The following ASCC3 variants were observed in gnomAD, a reference collection of about 807,000 sequenced individuals.
ASCC3 encodes activating signal cointegrator 1 complex subunit 3.
ASCC3 carries 158 observed loss-of-function variants against 256.3 expected under a neutral mutation model. The ratio of observed to expected loss-of-function variants is 0.62; its 90% CI spans 0.54 to 0.70. The LOEUF is 0.70. Among genes scored for constraint, ASCC3 ranks in the 30% least tolerant of loss-of-function variants. The pLI is 0.00. For missense variants in ASCC3, 2,259 were observed against 2,626.0 expected (o/e 0.86, Z 3.05); for synonymous variants, 948 against 883.4 (o/e 1.07, Z -1.30).
chr6:100,533,244 G>A (rs1359810265), intron 37 of ASCC3, among the ~76,000 whole-genome samples: 7 of 151,938 alleles, frequency 4.6e-5, no homozygotes, highest in African/African-American at 1.7e-4. Flanking sequence ...TTTGTCATAA[G>A]GTTGGTACTA....
At chr6:100,666,060 C>T (rs1008760159) in intron 14 of ASCC3, among the ~76,000 whole-genome samples, 3 of 152,118 alleles carry the variant, frequency 2.0e-5, no homozygotes, top group Non-Finnish European at 4.4e-5. Flanking sequence ...TAAATTGAGT[C>T]AGAAAGCTTA....
chr6:100,782,955 G>C (rs943291081), intron 8 of ASCC3, among the ~76,000 whole-genome samples: 4 of 151,682 alleles, frequency 2.6e-5, no homozygotes, highest in African/African-American at 4.8e-5. Context: ...CAAATAAAAG[G>C]CTTCTCAGTA....
intron 36 of ASCC3, among the ~76,000 whole-genome samples, chr6:100,542,514 C>A (rs773369915): frequency 6.6e-6 from 1 of 152,028 alleles, no homozygotes; most frequent in Non-Finnish European, 1.5e-5. Flanking sequence ...AACCTCATCT[C>A]TACTAAAAAT....
intron 37 of ASCC3, among the ~76,000 whole-genome samples, chr6:100,522,889 CT>C (rs1462300110): frequency 6.7e-6 from 1 of 150,164 alleles, no homozygotes; most frequent in African/African-American, 2.5e-5. Context: ...CTTCAAAGGG[CT>C]TGCTTTAACC....
In ASCC3 at chr6:100,864,040, AAAAAG is replaced by A; in HGVS notation, c.241+19_241+23del. On this transcript the variant is annotated intron_variant, in intron 3 of 41. Transcript: ENST00000369162. The stretch of plus-strand genomic sequence containing the variant: ...ACCTTACTGGTTCTCTTTAAAAAAA[AAAAAG>A]AAAAAAAGAAAACTATACCTATCTG... The A allele has an allele frequency of 6.6e-7, 1 of 1,505,650 alleles. No homozygotes were observed. The highest frequency in any genetic ancestry group is 8.9e-7 in the Non-Finnish European group (1 of 1,118,674). The allele number at this position is 1,505,650 out of a possible 1,614,324, so 93.3% of individuals were successfully genotyped here. A position where few individuals can be genotyped will look rare whatever the true frequency, so the allele number is the denominator to read the frequency against.
intron 16 of ASCC3, among the ~76,000 whole-genome samples, chr6:100,661,302 A>AT (rs1776180784): frequency 6.8e-6 from 1 of 147,208 alleles, no homozygotes; most frequent in South Asian, 2.2e-4. Context: ...AGGGTCTGCT[A>AT]TGTAAATCTT....
chr6:100,872,723 G>A (rs537789350), intron 1 of ASCC3, among the ~76,000 whole-genome samples: 1 of 152,278 alleles, frequency 6.6e-6, no homozygotes, highest in South Asian at 2.1e-4. Flanking sequence ...TCTCTGTGTA[G>A]ACAACCCCCA....
At chr6:100,701,462 T>C (rs557787997) in intron 13 of ASCC3, among the ~76,000 whole-genome samples, 1 of 152,250 alleles carries the variant, frequency 6.6e-6, no homozygotes, top group African/African-American at 2.4e-5. Flanking sequence ...TCTAAGTGCA[T>C]AAAACCTCTT....
chr6:100,717,177 ACTGTT>A (rs1779125116), intron 12 of ASCC3, among the ~76,000 whole-genome samples: 1 of 151,954 alleles, frequency 6.6e-6, no homozygotes, highest in African/African-American at 2.4e-5. Context: ...CAGGACATTA[ACTGTT>A]GTATTATGGT....
At chr6:100,557,080 C>T (rs1359519063) in intron 36 of ASCC3, among the ~76,000 whole-genome samples, 6 of 152,098 alleles carry the variant, frequency 3.9e-5, no homozygotes, top group Admixed American at 1.3e-4. Context: ...AGAGGAACAG[C>T]GACATGGGAA....
chr6:100,596,540 A>G (rs1772308931), intron 34 of ASCC3, among the ~76,000 whole-genome samples: 1 of 152,136 alleles, frequency 6.6e-6, no homozygotes, highest in Non-Finnish European at 1.5e-5. Flanking sequence ...TTTGTTACCA[A>G]TATGATACAC....
chr6:100,626,426 C>T (rs1238518837), intron 29 of ASCC3, among the ~76,000 whole-genome samples: 1 of 151,980 alleles, frequency 6.6e-6, no homozygotes, highest in African/African-American at 2.4e-5. Context: ...ATCACACAAT[C>T]ATATTTCTAA....
chr6:100,531,338 G>T (rs1457717429), intron 37 of ASCC3, among the ~76,000 whole-genome samples: 1 of 152,042 alleles, frequency 6.6e-6, no homozygotes, highest in Admixed American at 6.6e-5. Context: ...ATAAGTCCTA[G>T]AAGCTTTATG....
rs553299530 is a variant in ASCC3, at chr6:100,830,161, G to C, written c.801+17987C>G. Among the ~76,000 whole-genome samples the C allele has an allele frequency of 1.7e-3, 263 of 151,750 alleles. 1 individual carries two copies. The highest frequency in any genetic ancestry group is 6.0e-3 in the African/African-American group (249 of 41,424). ...GCTGAAACCACAGAAAGCAAAACTTGGATAAGAGGGGACTACCACATATTA... is the reference window on the plus strand; with the variant it reads ...GCTGAAACCACAGAAAGCAAAACTTCGATAAGAGGGGACTACCACATATTA... On this transcript the variant is annotated intron_variant, in intron 4 of 41. Coordinates refer to ENST00000369162, the MANE Select transcript of ASCC3 (RefSeq NM_006828.4).
chr6:100,706,927 T>C (rs1022424408), intron 13 of ASCC3, among the ~76,000 whole-genome samples: 27 of 152,008 alleles, frequency 1.8e-4, no homozygotes, highest in Non-Finnish European at 2.8e-4. Flanking sequence ...TAAAAGACCA[T>C]TGCCTTATTG....
chr6:100,690,380 A>G (rs1429047815), intron 13 of ASCC3, among the ~76,000 whole-genome samples: 1 of 152,144 alleles, frequency 6.6e-6, no homozygotes, highest in East Asian at 1.9e-4. Flanking sequence ...AGCCAACTGT[A>G]ATGTACTACT....
At chr6:100,873,230 C>A (rs1773836659) in intron 1 of ASCC3, among the ~76,000 whole-genome samples, 1 of 151,978 alleles carries the variant, frequency 6.6e-6, no homozygotes, top group Admixed American at 6.6e-5. Flanking sequence ...TATAGAAATG[C>A]AAAATCCTCT....
intron 4 of ASCC3, among the ~76,000 whole-genome samples, chr6:100,833,241 T>A (rs556496424): frequency 6.6e-6 from 1 of 152,148 alleles, no homozygotes; most frequent in South Asian, 2.1e-4. Context: ...CTATATGACA[T>A]CTGGAAAAAG....
intron 8 of ASCC3, among the ~76,000 whole-genome samples, chr6:100,786,445 G>A (rs1769086450): frequency 6.6e-6 from 1 of 152,028 alleles, no homozygotes; most frequent in Admixed American, 6.6e-5. Context: ...AAACTCATAT[G>A]AACTATAACA....
Sources: gnomAD v4.1 joint callset for allele counts (sites outside exome capture counted in the v4.1 genomes callset) on GRCh38, gnomAD v4.1.1 for gene constraint, MANE v1.5 for transcripts, NCBI Gene and HGNC (gene_info 2026-07-23, HGNC 2026-07-21) for gene names.